The following GRIP1 variants were observed in gnomAD, a reference collection of about 807,000 sequenced individuals.
GRIP1 encodes the protein glutamate receptor-interacting protein 1.
A neutral mutation model predicts 129.9 loss-of-function variants in GRIP1; 45 were observed. The observed-to-expected ratio is 0.35, with a 90% CI of 0.27 to 0.44. The LOEUF (loss-of-function observed/expected upper bound fraction) is 0.44, where lower values mean the gene tolerates loss of function less well. Ranked by LOEUF, GRIP1 falls within the 20% of genes least tolerant of loss-of-function variation. The probability of loss-of-function intolerance (pLI) is 1.00; values close to 1 mark genes in which losing one functional copy is unlikely to be tolerated. For synonymous variants in GRIP1, 530 were observed against 520.8 expected (o/e 1.02, Z -0.24); for missense variants, 1,196 against 1,396.8 (o/e 0.86, Z 2.29).
intron 1 of GRIP1, among the ~76,000 whole-genome samples, chr12:66,898,413 A>G (rs1314513229): frequency 6.6e-6 from 1 of 152,174 alleles, no homozygotes; most frequent in Non-Finnish European, 1.5e-5. Context: ...TGTCCTCCTT[A>G]ATAACAGCTC....
intron 1 of GRIP1, among the ~76,000 whole-genome samples, chr12:66,933,920 C>A (rs1001561363): frequency 6.6e-6 from 1 of 152,064 alleles, no homozygotes; most frequent in African/African-American, 2.4e-5. Context: ...TTTTTGATAA[C>A]CTTTACCTTG....
intron 1 of GRIP1, among the ~76,000 whole-genome samples, chr12:66,766,908 C>G (rs2037657897): frequency 6.6e-6 from 1 of 152,170 alleles, no homozygotes; most frequent in Non-Finnish European, 1.5e-5. Context: ...CAAACATTCC[C>G]TATGGATAAG....
At chr12:66,423,277 A>G (rs917899302) in intron 14 of GRIP1, among the ~76,000 whole-genome samples, 18 of 152,226 alleles carry the variant, frequency 1.2e-4, no homozygotes, top group Non-Finnish European at 1.9e-4. Context: ...AGTGCTTACC[A>G]TACAGTTTTT....
intron 1 of GRIP1, among the ~76,000 whole-genome samples, chr12:66,936,842 T>C (rs762267698): frequency 6.6e-6 from 1 of 152,156 alleles, no homozygotes; most frequent in Non-Finnish European, 1.5e-5. Context: ...AACAAAAAAA[T>C]GGCAGGCCTA....
At chr12:66,985,839 G>A (rs756698987) in intron 1 of GRIP1, among the ~76,000 whole-genome samples, 20 of 152,162 alleles carry the variant, frequency 1.3e-4, no homozygotes, top group Non-Finnish European at 2.4e-4. Flanking sequence ...TGAGGACACT[G>A]AAAAACAACT....
At chr12:66,382,765 C>T (rs2056173150) in intron 19 of GRIP1, among the ~76,000 whole-genome samples, 2 of 152,126 alleles carry the variant, frequency 1.3e-5, no homozygotes, top group East Asian at 3.9e-4. Flanking sequence ...AAACTGATTC[C>T]TGTCCTCAAA....
At position 66,515,608 on chromosome 12, in the gene GRIP1, C is replaced by A. The variant is rs532262497; in HGVS notation, c.724+11G>T. The A allele has an allele frequency of 7.1e-5, 114 of 1,611,500 alleles. No homozygotes were observed. Among genetic ancestry groups the A allele is most frequent in the Non-Finnish European group, 9.1e-5 (107 of 1,177,708 alleles). On this transcript the variant is annotated intron_variant, in intron 7 of 24. Transcript: ENST00000359742. ...GTGCTTAGAGATCACACCCTCAGGA[C>A]CCCAACATACCCATTACTGAGACAT...
upstream of GRIP1, chr12:66,679,154 A>G (rs1398451002): frequency 7.1e-7 from 1 of 1,410,862 alleles, no homozygotes; most frequent in Non-Finnish European, 9.2e-7. Context: ...ACAATGGCTT[A>G]GAAAGTAATG....
chr12:66,888,113 A>C lies in GRIP1; in HGVS notation c.58+180937T>G, dbSNP rs185753293. ...CTCTCTGTTGCCCAGGCTGGAGTGC[A>C]GTAGTGCAATCACCACTTACTGCAA... On this transcript the variant is annotated intron_variant, in intron 1 of 1. Coordinates refer to the GRIP1 transcript ENST00000643019. 1.9e-3 allele frequency among the ~76,000 whole-genome samples: 295 copies of C among 152,270 alleles called. 1 individual carries two copies. The highest frequency in any genetic ancestry group is 6.8e-3 in the Middle Eastern group (2 of 294).
intron 1 of GRIP1, among the ~76,000 whole-genome samples, chr12:66,879,535 A>G (rs2040438659): frequency 6.6e-6 from 1 of 152,122 alleles, no homozygotes. Context: ...TCCAAAGACC[A>G]TATGTGAAGC....
upstream of GRIP1, among the ~76,000 whole-genome samples, chr12:66,808,593 C>CTGTTT (rs1394366210): frequency 1.3e-5 from 2 of 149,354 alleles, no homozygotes; most frequent in East Asian, 3.9e-4. Context: ...CACTGTTTTT[C>CTGTTT]TGTTTTGTTT....
At chr12:66,911,931 T>C (rs1160741912) in intron 1 of GRIP1, among the ~76,000 whole-genome samples, 1 of 152,192 alleles carries the variant, frequency 6.6e-6, no homozygotes, top group Non-Finnish European at 1.5e-5. Context: ...TAACTATATC[T>C]CTGGTTTTCG....
At chr12:66,832,890 G>T (rs754221579) in intron 1 of GRIP1, among the ~76,000 whole-genome samples, 123 of 152,274 alleles carry the variant, frequency 8.1e-4, no homozygotes, top group Admixed American at 1.1e-3. Context: ...CAAAGTTAAA[G>T]TCTCTGACCC....
At chr12:66,396,835 G>A (rs1013529330) in intron 16 of GRIP1, among the ~76,000 whole-genome samples, 1 of 152,122 alleles carries the variant, frequency 6.6e-6, no homozygotes, top group Non-Finnish European at 1.5e-5. Context: ...ATTTGGCCAG[G>A]TGCAGTGGCT....
chr12:67,025,507 C>T (rs576504561), intron 1 of GRIP1, among the ~76,000 whole-genome samples: 3 of 152,318 alleles, frequency 2.0e-5, no homozygotes, highest in African/African-American at 7.2e-5. Context: ...GTCTTCCAGA[C>T]AAGCTTACAC....
intron 1 of GRIP1, among the ~76,000 whole-genome samples, chr12:66,981,441 G>A (rs2042241637): frequency 6.6e-6 from 1 of 152,002 alleles, no homozygotes; most frequent in South Asian, 2.1e-4. Flanking sequence ...AAGAATAACT[G>A]GACAAATATA....
intron 7 of GRIP1, among the ~76,000 whole-genome samples, chr12:66,469,998 C>A (rs1304971866): frequency 2.6e-5 from 4 of 152,124 alleles, no homozygotes; most frequent in Admixed American, 1.3e-4. Flanking sequence ...TCTCCCAGAT[C>A]CTTATAAATT....
Position 66,465,268 on chromosome 12 carries a change from T to C in GRIP1, c.872+7A>G, listed in dbSNP as rs886049798. 11 of 1,612,926 alleles carry C rather than the reference T, an allele frequency of 6.8e-6. No individual in the cohort carries two copies. The East Asian group carries it at 1.6e-4, about 23-fold the overall frequency. On this transcript the variant is annotated splice_region_variant and intron_variant, in intron 8 of 24. Transcript: ENST00000359742. ...GCGGAAAAGTAGGCACTTTCTACAA[T>C]ACTTACCTGTCTGCAATACTTGCAG... is the stretch of plus-strand genomic sequence containing the variant.
intron 1 of GRIP1, among the ~76,000 whole-genome samples, chr12:66,824,839 T>C (rs2039381168): frequency 6.6e-6 from 1 of 152,208 alleles, no homozygotes; most frequent in South Asian, 2.1e-4. Context: ...ACTGGAAATG[T>C]ATATGATAGC....
Sources: allele counts gnomAD v4.1 joint callset (sites outside exome capture counted in the v4.1 genomes callset), GRCh38; gene constraint gnomAD v4.1.1; transcripts MANE v1.5; gene names NCBI Gene and HGNC (gene_info 2026-07-23, HGNC 2026-07-21).